AMZ2: variants seen among roughly 807,000 people sequenced by gnomAD.
The protein encoded by AMZ2 is archaemetzincin-2.
In AMZ2, 26 loss-of-function variants were observed where a neutral mutation model predicts 36.7. The observed-to-expected ratio is 0.71, with a 90% CI of 0.52 to 0.98. The LOEUF (loss-of-function observed/expected upper bound fraction) is 0.98, where lower values mean the gene tolerates loss of function less well. Among genes scored for constraint, AMZ2 ranks in the 50% least tolerant of loss-of-function variants. The pLI, the probability that AMZ2 is intolerant of heterozygous loss-of-function variation, is 0.00. For missense variants in AMZ2, 394 were observed against 430.5 expected, an observed-to-expected ratio of 0.92 and a Z score of 0.75; for synonymous variants, 144 against 149.1, an observed-to-expected ratio of 0.97 and a Z score of 0.25.
In AMZ2 at chr17:68,207,733, C is replaced by A. The variant is rs1356165083; in HGVS notation, c.-67+1495C>A. On this transcript the variant is annotated intron_variant, in intron 1 of 7. Transcript: ENST00000674770. Reference sequence around the variant, plus strand: ...CCCTCCCTGGCTGTCGGCGCCTCCTCGGCCTTGGCGCCCACTCTGGGCGCG... The same window carrying A: ...CCCTCCCTGGCTGTCGGCGCCTCCTAGGCCTTGGCGCCCACTCTGGGCGCG... Among the ~76,000 whole-genome samples the A allele has an allele frequency of 5.3e-5, 8 of 152,378 alleles. No individual in the cohort carries two copies. The South Asian group carries it at 8.3e-4, about 16-fold the overall frequency.
intron 1 of AMZ2, among the ~76,000 whole-genome samples, chr17:68,227,684 A>T (rs1368496012): frequency 1.3e-5 from 2 of 152,104 alleles, no homozygotes; most frequent in African/African-American, 4.8e-5. Context: ...TGTGTCTGAT[A>T]TCCCTCTGTC....
chr17:68,255,006 A>G (rs868968064), intron 5 of AMZ2, among the ~76,000 whole-genome samples: 70 of 151,992 alleles, frequency 4.6e-4, no homozygotes, highest in African/African-American at 1.5e-3. Flanking sequence ...GATATCCCCA[A>G]CTCGGTTTTG....
At chr17:68,222,639 CAG>C (rs1287645696) in intron 1 of AMZ2, among the ~76,000 whole-genome samples, 1 of 152,156 alleles carries the variant, frequency 6.6e-6, no homozygotes, top group Non-Finnish European at 1.5e-5. Context: ...TGATGGGAGA[CAG>C]CGATAGATCA....
At chr17:68,219,186 T>A (rs1310616928) in intron 1 of AMZ2, among the ~76,000 whole-genome samples, 2 of 152,100 alleles carry the variant, frequency 1.3e-5, no homozygotes, top group African/African-American at 4.8e-5. Context: ...AGGCTGGTCT[T>A]GAACGCCTGA....
intron 1 of AMZ2, among the ~76,000 whole-genome samples, chr17:68,211,601 T>C (rs1555725920): frequency 6.6e-6 from 1 of 150,978 alleles, no homozygotes; most frequent in Non-Finnish European, 1.5e-5. Context: ...TGTGCACTTA[T>C]TTAAAAGGGT....
rs782482408 is a variant in AMZ2, at chr17:68,248,576, T to G, written c.-130T>G. 7 of 985,884 alleles carry G rather than the reference T, an allele frequency of 7.1e-6. No homozygotes were observed. Among genetic ancestry groups the G allele is most frequent in the Admixed American group, 6.1e-5 (1 of 16,262 alleles). 61.1% of individuals were successfully genotyped at this position (985,884 alleles called of 1,614,324 possible). A position where few individuals can be genotyped will look rare whatever the true frequency, so the allele number is the denominator to read the frequency against. Reference sequence around the variant, plus strand: ...TAGGCTTGGGAGGCAAGAGGAGGCCTCCTGACCTTTCACACTGCCTTTTTA... The same window carrying G: ...TAGGCTTGGGAGGCAAGAGGAGGCCGCCTGACCTTTCACACTGCCTTTTTA... On this transcript the variant is annotated 5_prime_UTR_variant, in exon 1 of 7. Transcript: ENST00000359904.
chr17:68,248,830 T>G (rs142668207), intron 1 of AMZ2, 125 bp downstream of exon 1: 29,853 of 941,158 alleles, frequency 0.032, 584 homozygotes, highest in Non-Finnish European at 0.033. Context: ...TACAGAGACA[T>G]TTGGTCTGGA....
At chr17:68,234,559 A>G (rs2073742471) in intron 1 of AMZ2, among the ~76,000 whole-genome samples, 1 of 152,036 alleles carries the variant, frequency 6.6e-6, no homozygotes, top group African/African-American at 2.4e-5. Flanking sequence ...TCAGGAATTC[A>G]AGGCCAGCCT....
At position 68,248,050 on chromosome 17, in the gene AMZ2, A is replaced by G. The variant is rs1359317535; in HGVS notation, c.-656A>G. Reference sequence around the variant, plus strand: ...GTGGGCGTGGCGTGGCGCAGTGCGAAGGGACGCGGTGCGCATGCGCGTGAG... The same window carrying G: ...GTGGGCGTGGCGTGGCGCAGTGCGAGGGGACGCGGTGCGCATGCGCGTGAG... On this transcript the variant is annotated 5_prime_UTR_variant, in exon 1 of 7. Coordinates refer to ENST00000359904, the MANE Select transcript of AMZ2 (RefSeq NM_016627.5). 4 of 986,242 alleles carry G rather than the reference A, an allele frequency of 4.1e-6. No individual in the cohort carries two copies. The highest frequency in any genetic ancestry group is 3.5e-5 in the African/African-American group (2 of 57,220). The allele number at this position is 986,242 out of a possible 1,614,324, so 61.1% of individuals were successfully genotyped here. A position where few individuals can be genotyped will look rare whatever the true frequency, so the allele number is the denominator to read the frequency against.
intron 1 of AMZ2, among the ~76,000 whole-genome samples, chr17:68,229,721 A>G (rs2073612491): frequency 6.6e-6 from 1 of 152,180 alleles, no homozygotes; most frequent in South Asian, 2.1e-4. Flanking sequence ...ATACCCAAGA[A>G]TGAGTTCCAT....
rs1555743448 is a variant in AMZ2, at chr17:68,257,145, T to C, written c.*176T>C. ...AACTCATTTTGAATAATAAAAACTC[T>C]AGAAACTCTTTATCTTCTCATCTTA... On this transcript the variant is annotated 3_prime_UTR_variant, in exon 7 of 7. Coordinates refer to ENST00000359904, the MANE Select transcript of AMZ2 (RefSeq NM_016627.5). 1 of 585,598 alleles carries C rather than the reference T, an allele frequency of 1.7e-6. No homozygotes were observed. Among genetic ancestry groups the C allele is most frequent in the East Asian group, 3.3e-5 (1 of 30,474 alleles). 36.3% of individuals were successfully genotyped at this position (585,598 alleles called of 1,614,324 possible). A position where few individuals can be genotyped will look rare whatever the true frequency, so the allele number is the denominator to read the frequency against.
chr17:68,253,144 T>A (rs1407754200), intron 4 of AMZ2, among the ~76,000 whole-genome samples: 1 of 152,216 alleles, frequency 6.6e-6, no homozygotes, highest in African/African-American at 2.4e-5. Context: ...TTGCTGAAAG[T>A]AGTGAAATAT....
intron 1 of AMZ2, among the ~76,000 whole-genome samples, chr17:68,210,556 A>G (rs782456036): frequency 1.8e-4 from 28 of 152,236 alleles, no homozygotes; most frequent in Non-Finnish European, 3.7e-4. Context: ...TTAGTGCTTA[A>G]TAGGTACGAG....
At chr17:68,209,533 G>C (rs891971940) in intron 1 of AMZ2, among the ~76,000 whole-genome samples, 2 of 150,720 alleles carry the variant, frequency 1.3e-5, no homozygotes, top group Non-Finnish European at 2.9e-5. Flanking sequence ...GCGTGTGTTA[G>C]TGATGGACTT....
rs1412327816 is a variant in AMZ2, at chr17:68,213,908, C to A, written c.-67+7670C>A. Among the ~76,000 whole-genome samples the A allele has an allele frequency of 3.4e-4, 52 of 151,764 alleles. 1 individual carries two copies. The highest frequency in any genetic ancestry group is 6.8e-4 in the Non-Finnish European group (46 of 67,970). On this transcript the variant is annotated intron_variant, in intron 1 of 7. Coordinates refer to the AMZ2 transcript ENST00000674770. ...CCTACTATCCAGTTTTTCCTTTCTGCTACCATATTTTTATTATCTAAGAGC... is the reference window on the plus strand; with the variant it reads ...CCTACTATCCAGTTTTTCCTTTCTGATACCATATTTTTATTATCTAAGAGC...
chr17:68,228,919 T>G (rs1250650809), intron 1 of AMZ2, among the ~76,000 whole-genome samples: 1 of 152,190 alleles, frequency 6.6e-6, no homozygotes. Context: ...GTGTGTAGTA[T>G]CCTGGCCCCG....
chr17:68,233,140 G>A (rs1555731671), intron 1 of AMZ2, among the ~76,000 whole-genome samples: 1 of 152,232 alleles, frequency 6.6e-6, no homozygotes, highest in Non-Finnish European at 1.5e-5. Context: ...CAAAGAGGAT[G>A]CACCAAACTT....
chr17:68,220,477 A>G (rs1200085396), intron 1 of AMZ2, among the ~76,000 whole-genome samples: 3 of 151,836 alleles, frequency 2.0e-5, no homozygotes, highest in Non-Finnish European at 4.4e-5. Flanking sequence ...TCCTCAGTCT[A>G]GTAGCTTGAT....
At chr17:68,238,482 A>C (rs1264008876) in intron 1 of AMZ2, among the ~76,000 whole-genome samples, 1 of 152,114 alleles carries the variant, frequency 6.6e-6, no homozygotes, top group South Asian at 2.1e-4. Context: ...TAAGGTAAAA[A>C]CCAAAATCTG....
Sources: gnomAD v4.1 joint callset for allele counts (sites outside exome capture counted in the v4.1 genomes callset) on GRCh38, gnomAD v4.1.1 for gene constraint, MANE v1.5 for transcripts, NCBI Gene and HGNC (gene_info 2026-07-23, HGNC 2026-07-21) for gene names.